SNX25: variants seen among roughly 807,000 people sequenced by gnomAD.
The protein encoded by SNX25 is sorting nexin 25, also known as sorting nexin-25.
SNX25 carries 62 observed loss-of-function variants against 113.7 expected under a neutral mutation model. The ratio of observed to expected loss-of-function variants is 0.55; its 90% CI spans 0.44 to 0.67. The LOEUF (loss-of-function observed/expected upper bound fraction) is 0.67, where lower values mean the gene tolerates loss of function less well. Among genes scored for constraint, SNX25 ranks in the 30% least tolerant of loss-of-function variants. SNX25 has a pLI of 0.00. For synonymous variants in SNX25, 421 were observed against 436.2 expected (o/e 0.97, Z 0.43); for missense variants, 1,014 against 1,161.0 (o/e 0.87, Z 1.84).
intron 5 of SNX25, among the ~76,000 whole-genome samples, chr4:185,283,635 G>A (rs551457209): frequency 2.6e-5 from 4 of 152,286 alleles, no homozygotes; most frequent in Admixed American, 1.3e-4. Flanking sequence ...GCAGAAAAAT[G>A]GTTAGAGCAT....
chr4:185,341,877 A>C, intron 11 of SNX25, 99 bp from the exon 12 acceptor site: 1 of 1,280,918 alleles, frequency 7.8e-7, no homozygotes, highest in Non-Finnish European at 1.1e-6. Flanking sequence ...AAGGTACATC[A>C]CGGGGAGGGA....
chr4:185,341,271 T>C (rs1388063081), intron 11 of SNX25, among the ~76,000 whole-genome samples: 1 of 152,268 alleles, frequency 6.6e-6, no homozygotes, highest in Non-Finnish European at 1.5e-5. Flanking sequence ...AAGGAAATTA[T>C]ATCTCCCAAT....
intron 15 of SNX25, 96 bp from the exon 16 acceptor site, chr4:185,357,575 A>G (rs1254785933): frequency 6.7e-6 from 7 of 1,050,876 alleles, no homozygotes; most frequent in African/African-American, 6.3e-5. Flanking sequence ...GACTGAAATC[A>G]TCTTAAGTGG....
intron 5 of SNX25, among the ~76,000 whole-genome samples, chr4:185,281,340 A>G (rs2126591244): frequency 6.6e-6 from 1 of 152,098 alleles, no homozygotes; most frequent in South Asian, 2.1e-4. Flanking sequence ...ACTGCGGGGC[A>G]GACTGTGTTT....
intron 6 of SNX25, among the ~76,000 whole-genome samples, chr4:185,296,994 T>C (rs1181265390): frequency 6.6e-6 from 1 of 152,216 alleles, no homozygotes; most frequent in Non-Finnish European, 1.5e-5. Context: ...TGTTGACTGC[T>C]CAGTCTTCTT....
chr4:185,293,871 G>A (rs1385823388), intron 6 of SNX25, among the ~76,000 whole-genome samples: 8 of 152,056 alleles, frequency 5.3e-5, no homozygotes, highest in Non-Finnish European at 1.0e-4. Context: ...AAACACGATC[G>A]TTTATAAACA....
chr4:185,325,630 A>G (rs1444726851), intron 9 of SNX25, among the ~76,000 whole-genome samples: 6 of 151,772 alleles, frequency 4.0e-5, no homozygotes, highest in Non-Finnish European at 8.8e-5. Flanking sequence ...AGAATTATTT[A>G]TTAAATAGAC....
chr4:185,252,231 T>A (rs1745770597), intron 2 of SNX25, among the ~76,000 whole-genome samples: 1 of 152,158 alleles, frequency 6.6e-6, no homozygotes, highest in Non-Finnish European at 1.5e-5. Context: ...AGAATTAGAA[T>A]CTAGAAATGT....
intron 12 of SNX25, among the ~76,000 whole-genome samples, chr4:185,344,427 C>G (rs2126729457): frequency 6.6e-6 from 1 of 152,268 alleles, no homozygotes; most frequent in Non-Finnish European, 1.5e-5. Flanking sequence ...GTATCAGGAT[C>G]TGGCCCTTGA....
intron 1 of SNX25, among the ~76,000 whole-genome samples, chr4:185,229,082 T>C (rs1741434613): frequency 6.6e-6 from 1 of 152,168 alleles, no homozygotes; most frequent in Non-Finnish European, 1.5e-5. Flanking sequence ...TTGGAGGCCA[T>C]GAAAGACTAG....
rs111932218 is a variant in SNX25 at position 185,216,154 on chromosome 4, A to T, written c.429+5899A>T. 4.6e-5 allele frequency among the ~76,000 whole-genome samples: 7 copies of T among 152,238 alleles called. 1 individual carries two copies. Among genetic ancestry groups the T allele is most frequent in the East Asian group, 1.9e-4 (1 of 5,190 alleles). ...ATAGGTTGCACAATCATATGATTTT[A>T]AAAAAAGTGTACAGAAAGGTATACA... is the stretch of plus-strand genomic sequence containing the variant. On this transcript the variant is annotated intron_variant, in intron 1 of 18. Transcript: ENST00000652585.
chr4:185,212,313 TA>T (rs1212921159), intron 1 of SNX25, among the ~76,000 whole-genome samples: 10 of 150,794 alleles, frequency 6.6e-5, no homozygotes, highest in Admixed American at 2.0e-4. Flanking sequence ...AATTTTTTTT[TA>T]AATTTTTTAA....
chr4:185,328,832 A>G (rs2095174399), intron 9 of SNX25, among the ~76,000 whole-genome samples: 1 of 152,144 alleles, frequency 6.6e-6, no homozygotes, highest in Non-Finnish European at 1.5e-5. Context: ...GTTTTTGAAC[A>G]GGTAACAGGT....
At chr4:185,225,118 CTTTT>C (rs775220291) in intron 1 of SNX25, among the ~76,000 whole-genome samples, 9 of 132,098 alleles carry the variant, frequency 6.8e-5, no homozygotes, top group East Asian at 2.2e-4. Context: ...TCTATGTCTT[CTTTT>C]TTTTTTTTTT....
chr4:185,374,126 G>A, downstream of SNX25: 1 of 1,605,034 alleles, frequency 6.2e-7, no homozygotes. Context: ...AAAAAAGAGG[G>A]AACGTTACCT....
intron 1 of SNX25, among the ~76,000 whole-genome samples, chr4:185,240,532 C>T (rs1298839138): frequency 1.4e-5 from 2 of 146,768 alleles, no homozygotes; most frequent in African/African-American, 2.5e-5. Flanking sequence ...GCTGACCCCC[C>T]CACCTCCCTC....
At chr4:185,216,799 C>A (rs3108288) in intron 1 of SNX25, among the ~76,000 whole-genome samples, 15 of 151,900 alleles carry the variant, frequency 9.9e-5, no homozygotes, top group African/African-American at 3.4e-4. Flanking sequence ...GGGATTACAG[C>A]TGTGAGCCAC....
intron 6 of SNX25, 33 bp from the exon 7 acceptor site, chr4:185,310,595 TTGTCCTC>T (rs761819740): frequency 7.0e-6 from 11 of 1,579,266 alleles, no homozygotes; most frequent in Non-Finnish European, 7.8e-6. Context: ...CTTTCATGCC[TTGTCCTC>T]TGACCAGGTA....
chr4:185,291,795 C>T (rs1752208447), intron 6 of SNX25, among the ~76,000 whole-genome samples: 2 of 152,312 alleles, frequency 1.3e-5, no homozygotes, highest in African/African-American at 4.8e-5. Context: ...GGGGCCCACC[C>T]TGATTAAGCA....
Sources: gnomAD v4.1 joint callset for allele counts (sites outside exome capture counted in the v4.1 genomes callset) on GRCh38, gnomAD v4.1.1 for gene constraint, MANE v1.5 for transcripts, NCBI Gene and HGNC (gene_info 2026-07-23, HGNC 2026-07-21) for gene names.